Variants in SNX1 observed in about 807,000 individuals in gnomAD.
SNX1 encodes the protein sorting nexin-1.
In SNX1, 36 loss-of-function variants were observed where a neutral mutation model predicts 71.8. The ratio of observed to expected loss-of-function variants is 0.50; its 90% confidence interval spans 0.38 to 0.66. The LOEUF (loss-of-function observed/expected upper bound fraction) is 0.66. Among genes scored for constraint, SNX1 ranks in the 30% least tolerant of loss-of-function variants. The pLI, the probability that SNX1 is intolerant of heterozygous loss-of-function variation, is 0.00. For synonymous variants in SNX1, 254 were observed against 240.7 expected (o/e 1.06, Z -0.51); for missense variants, 612 against 646.7 (o/e 0.95, Z 0.58).
At chr15:64,136,246 A>G (rs2081358173) in intron 12 of SNX1, 84 bp from the exon 13 acceptor site, 3 of 1,014,242 alleles carry the variant, frequency 3.0e-6, no homozygotes, top group East Asian at 2.4e-5. Context: ...TTGAGCCCTC[A>G]TATGTAAAAT....
chr15:64,127,987 C>T (rs1206887668), intron 8 of SNX1, among the ~76,000 whole-genome samples, 181 bp downstream of exon 8: 3 of 152,128 alleles, frequency 2.0e-5, no homozygotes, highest in Non-Finnish European at 2.9e-5. Flanking sequence ...AAGCTCTGCC[C>T]GAAGTCAAAA....
chr15:64,130,623 A>G (rs567102478), intron 10 of SNX1, among the ~76,000 whole-genome samples: 1 of 152,320 alleles, frequency 6.6e-6, no homozygotes, highest in African/African-American at 2.4e-5. Context: ...ATCCAAAATG[A>G]TGTCATACAT....
At chr15:64,108,862 C>T (rs1464409579) in intron 1 of SNX1, among the ~76,000 whole-genome samples, 3 of 151,704 alleles carry the variant, frequency 2.0e-5, no homozygotes, top group African/African-American at 7.3e-5. Flanking sequence ...GTGGTGGGCG[C>T]CCATAATCCC....
At chr15:64,103,586 A>G (rs1444577221) in intron 1 of SNX1, among the ~76,000 whole-genome samples, 2 of 152,228 alleles carry the variant, frequency 1.3e-5, no homozygotes, top group African/African-American at 4.8e-5. Context: ...GGTGGTACCT[A>G]TAAAACTGTT....
At chr15:64,136,712 C>T in intron 13 of SNX1, 149 bp from the exon 14 acceptor site, 3 of 651,854 alleles carry the variant, frequency 4.6e-6, no homozygotes, top group Non-Finnish European at 5.4e-6. Flanking sequence ...AAGGCCTTGG[C>T]AGACCCTCTT....
At position 64,109,064 on chromosome 15, in the gene SNX1, T is replaced by G. The variant is rs117359042; in HGVS notation, c.160-3509T>G. On this transcript the variant is annotated intron_variant, in intron 1 of 14. Transcript: ENST00000559844. ...ATGCGAGAGAAAGGGTTAACATACT[T>G]CTGTGTAAGAAAAATGCAGACCTAG... 1.3e-3 allele frequency among the ~76,000 whole-genome samples: 193 copies of G among 149,618 alleles called. 6 individuals carry two copies. In the East Asian group the frequency reaches 0.035, roughly 27 times the overall value.
chr15:64,114,666 A>G (rs1257487814), intron 2 of SNX1, among the ~76,000 whole-genome samples: 3 of 152,190 alleles, frequency 2.0e-5, no homozygotes, highest in African/African-American at 7.2e-5. Flanking sequence ...GAGAAAGACA[A>G]GGGTGGAGGG....
At chr15:64,100,376 C>T (rs1312012429) in intron 1 of SNX1, among the ~76,000 whole-genome samples, 1 of 151,906 alleles carries the variant, frequency 6.6e-6, no homozygotes, top group African/African-American at 2.4e-5. Flanking sequence ...CCGAGGCGGG[C>T]GTATCACAAG....
intron 2 of SNX1, among the ~76,000 whole-genome samples, chr15:64,116,469 G>A (rs2081130187): frequency 6.6e-6 from 1 of 152,192 alleles, no homozygotes; most frequent in Non-Finnish European, 1.5e-5. Flanking sequence ...TCCTGATAGG[G>A]ATCAGATTTC....
At chr15:64,137,073 C>T (rs759276171) in intron 14 of SNX1, 141 bp downstream of exon 14, 37 of 635,320 alleles carry the variant, frequency 5.8e-5, no homozygotes, top group Admixed American at 4.2e-4. Flanking sequence ...AAAATAGGTC[C>T]TGCTGCTCTG....
At chr15:64,114,876 T>C (rs967230880) in intron 2 of SNX1, among the ~76,000 whole-genome samples, 7 of 152,172 alleles carry the variant, frequency 4.6e-5, no homozygotes, top group African/African-American at 1.7e-4. Context: ...GCACGGTGGC[T>C]CAGGCCTGTA....
intron 1 of SNX1, among the ~76,000 whole-genome samples, chr15:64,107,137 A>T (rs2081030835): frequency 6.6e-6 from 1 of 152,204 alleles, no homozygotes; most frequent in Non-Finnish European, 1.5e-5. Context: ...CATTAGTGTG[A>T]TCACACAACT....
Position 64,143,185 on chromosome 15 carries a change from C to T in SNX1, c.*5567C>T, listed in dbSNP as rs2081432166. ...AGGAGGACACATCTGTGCTACAGTGCGCACATGCCTGGATGTACACTCTGT... is the reference window on the plus strand; with the variant it reads ...AGGAGGACACATCTGTGCTACAGTGTGCACATGCCTGGATGTACACTCTGT... On this transcript the variant is annotated 3_prime_UTR_variant, in exon 15 of 15. Transcript: ENST00000559844. The T allele has an allele frequency of 6.4e-6, 1 of 155,430 alleles. No homozygotes were observed. The highest frequency in any genetic ancestry group is 1.4e-5 in the Non-Finnish European group (1 of 70,124). The allele number at this position is 155,430 out of a possible 1,614,324, so 9.6% of individuals were successfully genotyped here.
rs1469160972 is a variant in SNX1, at chr15:64,129,940, A to G, written c.832A>G (p.Thr278Ala). Reference sequence around the variant, plus strand: ...GCTGCCACGTGCCGTGGGTACCCAGACATTGAGTGGTGCTGGTCTCCTCAA... The same window carrying G: ...GCTGCCACGTGCCGTGGGTACCCAGGCATTGAGTGGTGCTGGTCTCCTCAA... ...EELPRAVGTQTLSGAGLLKMF... is the reference protein window; with the variant it reads ...EELPRAVGTQALSGAGLLKMF... The change falls in exon 9 of 15, where the codon ACA (threonine) becomes GCA (alanine). Residue 278 changes from threonine (T) to alanine (A), a missense_variant. By Grantham distance (58) the Thr-to-Ala change is moderately conservative. This residue lies in a region of SNX1 where 296 missense variants were observed against 361.9 expected (regional missense o/e 0.82). Transcript: ENST00000559844. This position sits in a 1 kb window ranked among gnomAD's most constrained non-coding sequence, Gnocchi z 4.4. The G allele has an allele frequency of 6.2e-7, 1 of 1,614,148 alleles. No homozygotes were observed. Among genetic ancestry groups the G allele is most frequent in the East Asian group, 2.2e-5 (1 of 44,880 alleles).
intron 1 of SNX1, among the ~76,000 whole-genome samples, chr15:64,099,327 G>A (rs886535869): frequency 1.5e-4 from 23 of 152,152 alleles, no homozygotes; most frequent in African/African-American, 5.6e-4. Flanking sequence ...CTTAGAAGAT[G>A]TTCCCTCCAT....
intron 1 of SNX1, among the ~76,000 whole-genome samples, chr15:64,104,272 G>GTTTTT (rs34006143): frequency 8.1e-6 from 1 of 123,328 alleles, no homozygotes; most frequent in Non-Finnish European, 1.6e-5. Context: ...GGAGTAAAGG[G>GTTTTT]TTTTTTTTTT....
Position 64,097,198 on chromosome 15 carries a change from G to A in SNX1, c.159+1026G>A, listed in dbSNP as rs2080912072. Reference sequence around the variant, plus strand: ...ACGGATGGTCCCTGCTTGGCCTGCGGCCAGTCTAAGGCACTCTCCCTTTCC... The same window carrying A: ...ACGGATGGTCCCTGCTTGGCCTGCGACCAGTCTAAGGCACTCTCCCTTTCC... On this transcript the variant is annotated intron_variant, in intron 1 of 14. Coordinates refer to ENST00000559844, the MANE Select transcript of SNX1 (RefSeq NM_003099.5). Among the ~76,000 whole-genome samples, 4 of 152,370 alleles carry A rather than the reference G, an allele frequency of 2.6e-5. No homozygotes were observed. The South Asian group carries it at 8.3e-4, about 32-fold the overall frequency.
chr15:64,138,360 C>T lies in SNX1; in HGVS notation c.*742C>T. 1.7e-6 allele frequency: 1 copy of T among 594,586 alleles called. No homozygotes were observed. Among genetic ancestry groups the T allele is most frequent in the Non-Finnish European group, 2.7e-6 (1 of 364,322 alleles). The allele number at this position is 594,586 out of a possible 1,614,324, so 36.8% of individuals were successfully genotyped here. ...TTTTTTTGGTGTCCCTATCATTAAG[C>T]AAGAGCCTTTCTCTTTTATTCTTCC... On this transcript the variant is annotated 3_prime_UTR_variant, in exon 15 of 15. Coordinates refer to ENST00000559844, the MANE Select transcript of SNX1 (RefSeq NM_003099.5).
At position 64,130,330 on chromosome 15, in the gene SNX1, C is replaced by T. The variant is rs1289283349; in HGVS notation, c.1015+9C>T. The stretch of plus-strand genomic sequence containing the variant: ...AGTCAACCATAGGAAAGGTAACAAG[C>T]TCTGAAATGCACTTGGAGCTAGGGG... On this transcript the variant is annotated intron_variant, in intron 10 of 14. Transcript: ENST00000559844. The T allele has an allele frequency of 1.2e-6, 2 of 1,606,758 alleles. No individual in the cohort carries two copies. Among genetic ancestry groups the T allele is most frequent in the African/African-American group, 1.3e-5 (1 of 74,880 alleles).
Sources: allele counts gnomAD v4.1 joint callset (sites outside exome capture counted in the v4.1 genomes callset), GRCh38; gene constraint gnomAD v4.1.1; regional missense constraint gnomAD v4.1.1; non-coding constraint Gnocchi (gnomAD v3.1); transcripts MANE v1.5; gene names NCBI Gene and HGNC (gene_info 2026-07-23, HGNC 2026-07-21).